The following NAALADL2 variants were observed in gnomAD, a reference collection of about 807,000 sequenced individuals.
The protein encoded by NAALADL2 is inactive N-acetylated-alpha-linked acidic dipeptidase-like protein 2.
In NAALADL2, 76 loss-of-function variants were observed where a neutral mutation model predicts 87.2. The observed-to-expected ratio is 0.87, with a 90% CI of 0.72 to 1.05. NAALADL2 has a LOEUF of 1.05. Among genes scored for constraint, NAALADL2 ranks in the 50% least tolerant of loss-of-function variants. The pLI, the probability that NAALADL2 is intolerant of heterozygous loss-of-function variation, is 0.00. For missense variants in NAALADL2, 1,089 were observed against 945.8 expected (o/e 1.15, Z -1.99); for synonymous variants, 354 against 331.0 (o/e 1.07, Z -0.75).
Position 175,747,502 on chromosome 3 carries a change from A to G in NAALADL2, c.1991-7718A>G, listed in dbSNP as rs78545603. On this transcript the variant is annotated intron_variant, in intron 12 of 13. Transcript: ENST00000454872. Reference sequence around the variant, plus strand: ...CCATGACAGAATAGTACCATAACCCATTATTCTATGAGTGTTTCCTCACTG... The same window carrying G: ...CCATGACAGAATAGTACCATAACCCGTTATTCTATGAGTGTTTCCTCACTG... Among the ~76,000 whole-genome samples the G allele has an allele frequency of 5.5e-3, 843 of 152,236 alleles. 9 individuals are homozygous for G. Among genetic ancestry groups the G allele is most frequent in the African/African-American group, 0.019 (808 of 41,564 alleles).
chr3:174,577,245 A>C (rs926090368), intron 2 of NAALADL2, among the ~76,000 whole-genome samples: 1 of 152,184 alleles, frequency 6.6e-6, no homozygotes, highest in Non-Finnish European at 1.5e-5. Flanking sequence ...TCTTAAAAAA[A>C]CCAAATATCT....
chr3:175,524,595 C>T (rs1733128435), intron 9 of NAALADL2, among the ~76,000 whole-genome samples: 1 of 152,098 alleles, frequency 6.6e-6, no homozygotes, highest in African/African-American at 2.4e-5. Flanking sequence ...AACACCATTT[C>T]ATATTGCTAT....
intron 1 of NAALADL2, among the ~76,000 whole-genome samples, chr3:174,452,043 A>G (rs931996618): frequency 1.3e-5 from 2 of 151,040 alleles, no homozygotes; most frequent in African/African-American, 2.4e-5. Flanking sequence ...GGGTTTTGCT[A>G]TGTTGGTCAG....
intron 3 of NAALADL2, among the ~76,000 whole-genome samples, chr3:174,754,542 C>A (rs1711752216): frequency 1.3e-5 from 2 of 149,764 alleles, no homozygotes; most frequent in Non-Finnish European, 3.0e-5. Flanking sequence ...TTCATTGTAA[C>A]CTGAAACTCT....
intron 1 of NAALADL2, among the ~76,000 whole-genome samples, chr3:175,054,244 C>A (rs922366264): frequency 8.5e-5 from 13 of 152,122 alleles, no homozygotes; most frequent in Admixed American, 6.6e-5. Flanking sequence ...GTTGCTAGAC[C>A]CATCTGTAAA....
chr3:174,608,867 G>A (rs1431697605), intron 2 of NAALADL2, among the ~76,000 whole-genome samples: 1 of 151,894 alleles, frequency 6.6e-6, no homozygotes, highest in Non-Finnish European at 1.5e-5. Flanking sequence ...CCAAAAACCA[G>A]AATTCTAGAC....
intron 1 of NAALADL2, among the ~76,000 whole-genome samples, chr3:174,958,018 A>T (rs997903995): frequency 1.3e-5 from 2 of 151,882 alleles, no homozygotes; most frequent in African/African-American, 4.8e-5. Context: ...TAAAAAACAC[A>T]TACTCATCCT....
At chr3:175,532,986 C>T (rs1023217545) in intron 9 of NAALADL2, among the ~76,000 whole-genome samples, 26 of 152,308 alleles carry the variant, frequency 1.7e-4, no homozygotes, top group Admixed American at 1.1e-3. Flanking sequence ...CCTTTGGATC[C>T]TTTCCTCTTC....
At chr3:175,102,102 T>A (rs1035417951) in intron 2 of NAALADL2, among the ~76,000 whole-genome samples, 1 of 152,202 alleles carries the variant, frequency 6.6e-6, no homozygotes, top group African/African-American at 2.4e-5. Flanking sequence ...AAATATAGAT[T>A]TAAATCACTA....
At chr3:175,375,660 A>T (rs1767043833) in intron 5 of NAALADL2, among the ~76,000 whole-genome samples, 1 of 152,076 alleles carries the variant, frequency 6.6e-6, no homozygotes, top group South Asian at 2.1e-4. Flanking sequence ...CTGTCTTTAT[A>T]TTGAAGGGAG....
At chr3:174,630,078 A>C (rs2108690286) in intron 2 of NAALADL2, among the ~76,000 whole-genome samples, 1 of 152,304 alleles carries the variant, frequency 6.6e-6, no homozygotes, top group Admixed American at 6.5e-5. Flanking sequence ...AATGAAAGGT[A>C]ATGCATTATG....
At chr3:175,283,911 C>T (rs1754645808) in intron 4 of NAALADL2, among the ~76,000 whole-genome samples, 1 of 151,976 alleles carries the variant, frequency 6.6e-6, no homozygotes, top group Non-Finnish European at 1.5e-5. Context: ...TTCACTATGT[C>T]TCAAGGAAAC....
In NAALADL2 at chr3:175,650,490, G is replaced by A. The variant is rs371120440; in HGVS notation, c.1896+23104G>A. Among the ~76,000 whole-genome samples, 5 of 152,264 alleles carry A rather than the reference G, an allele frequency of 3.3e-5. No homozygotes were observed. In the East Asian group the frequency reaches 7.7e-4, roughly 23 times the overall value. On this transcript the variant is annotated intron_variant, in intron 11 of 13. Transcript: ENST00000454872. ...ACATGCAATGGATGAATTTTGTGGT[G>A]TATAACTATACCTCAATAAAGCTTT...
At chr3:175,279,758 G>T (rs1415547402) in intron 4 of NAALADL2, among the ~76,000 whole-genome samples, 1 of 150,104 alleles carries the variant, frequency 6.7e-6, no homozygotes, top group Non-Finnish European at 1.5e-5. Context: ...TCCAACAATC[G>T]CTGAATAAGA....
intron 2 of NAALADL2, among the ~76,000 whole-genome samples, chr3:174,677,640 C>T (rs1381798733): frequency 6.6e-6 from 1 of 152,022 alleles, no homozygotes; most frequent in Non-Finnish European, 1.5e-5. Context: ...ATATATCAGT[C>T]AATCCATAAC....
At chr3:174,838,021 G>GAAAAACAAAAAAAA (rs1723552799) in intron 3 of NAALADL2, among the ~76,000 whole-genome samples, 1 of 71,944 alleles carries the variant, frequency 1.4e-5, no homozygotes, top group South Asian at 6.0e-4. Context: ...AACCAAAAAA[G>GAAAAACAAAAAAAA]AAAAAAAAAA....
intron 6 of NAALADL2, among the ~76,000 whole-genome samples, chr3:175,451,388 T>C (rs893031348): frequency 6.6e-6 from 1 of 152,104 alleles, no homozygotes; most frequent in Non-Finnish European, 1.5e-5. Context: ...CTTAAATAGA[T>C]TGTTTGCATT....
At chr3:174,805,717 T>C (rs1272775718) in intron 3 of NAALADL2, among the ~76,000 whole-genome samples, 1 of 152,160 alleles carries the variant, frequency 6.6e-6, no homozygotes, top group Non-Finnish European at 1.5e-5. Context: ...GAGGAGAATA[T>C]TGGAGAACCC....
Position 174,664,571 on chromosome 3 carries a change from C to T in NAALADL2, c.-114-73070C>T, listed in dbSNP as rs7651040. On this transcript the variant is annotated intron_variant, in intron 2 of 3. Coordinates refer to the NAALADL2 transcript ENST00000434257. Reference sequence around the variant, plus strand: ...GTATTAAAAATAGAGTGCTTTCTTGCTGGCATCAGTTAAATACATTATGTG... The same window carrying T: ...GTATTAAAAATAGAGTGCTTTCTTGTTGGCATCAGTTAAATACATTATGTG... Among the ~76,000 whole-genome samples, 1,111 of 152,170 alleles carry T rather than the reference C, an allele frequency of 7.3e-3. 6 individuals are homozygous for T. The highest frequency in any genetic ancestry group is 0.01 in the Middle Eastern group (3 of 294).
Sources: allele counts gnomAD v4.1 joint callset (sites outside exome capture counted in the v4.1 genomes callset), GRCh38; gene constraint gnomAD v4.1.1; transcripts MANE v1.5; gene names NCBI Gene and HGNC (gene_info 2026-07-23, HGNC 2026-07-21).